Variants in COL24A1 observed in about 807,000 individuals in gnomAD.
COL24A1 encodes the protein collagen alpha-1(XXIV) chain.
A neutral mutation model predicts 253.9 loss-of-function variants in COL24A1; 224 were observed. That is an observed-to-expected ratio of 0.88 (90% CI 0.79 to 0.99). The LOEUF (loss-of-function observed/expected upper bound fraction) is 0.99. Ranked by LOEUF, COL24A1 falls within the 50% of genes least tolerant of loss-of-function variation. The pLI, the probability that COL24A1 is intolerant of heterozygous loss-of-function variation, is 0.00. For synonymous variants in COL24A1, 685 were observed against 673.7 expected (o/e 1.02, Z -0.26); for missense variants, 2,131 against 2,068.5 (o/e 1.03, Z -0.59).
At chr1:85,993,537 A>G (rs12127813) in intron 19 of COL24A1, among the ~76,000 whole-genome samples, 70,777 of 151,702 alleles carry the variant, frequency 0.47, 16,906 homozygotes, top group East Asian at 0.61. Flanking sequence ...GATCAGAAGT[A>G]GCATGGAAAG....
At chr1:85,877,913 C>CT (rs540972806) in intron 32 of COL24A1, among the ~76,000 whole-genome samples, 30 of 150,626 alleles carry the variant, frequency 2.0e-4, no homozygotes, top group Admixed American at 8.6e-4. Flanking sequence ...AATATATGAT[C>CT]TTTTTTTTTA....
At chr1:86,048,031 A>G (rs1219653671) in intron 11 of COL24A1, among the ~76,000 whole-genome samples, 1 of 152,206 alleles carries the variant, frequency 6.6e-6, no homozygotes, top group Non-Finnish European at 1.5e-5. Context: ...AAGAGGACTC[A>G]TTTCATTAAG....
At chr1:85,962,459 T>G (rs933685852) in intron 23 of COL24A1, among the ~76,000 whole-genome samples, 1 of 152,208 alleles carries the variant, frequency 6.6e-6, no homozygotes, top group African/African-American at 2.4e-5. Context: ...AATATTAATA[T>G]ATCTAATTAT....
intron 19 of COL24A1, among the ~76,000 whole-genome samples, chr1:86,016,448 G>A (rs1357528698): frequency 6.6e-6 from 1 of 152,144 alleles, no homozygotes; most frequent in Non-Finnish European, 1.5e-5. Context: ...AATTAAATAT[G>A]TATGTACACT....
chr1:86,003,810 C>T (rs1327357751), intron 19 of COL24A1, among the ~76,000 whole-genome samples: 2 of 151,710 alleles, frequency 1.3e-5, no homozygotes, highest in African/African-American at 4.8e-5. Flanking sequence ...AGATCTGAGA[C>T]AGAGTCACAT....
intron 24 of COL24A1, among the ~76,000 whole-genome samples, chr1:85,957,264 G>A (rs992975684): frequency 2.6e-5 from 4 of 152,030 alleles, no homozygotes; most frequent in African/African-American, 9.7e-5. Flanking sequence ...CCGAGATGAC[G>A]GGTTGATGGG....
At chr1:85,812,361 T>TA (rs2101891000) in intron 47 of COL24A1, among the ~76,000 whole-genome samples, 1 of 152,248 alleles carries the variant, frequency 6.6e-6, no homozygotes, top group African/African-American at 2.4e-5. Flanking sequence ...AGGAAAAACC[T>TA]CAGGCCTGAT....
intron 28 of COL24A1, among the ~76,000 whole-genome samples, chr1:85,903,813 G>C (rs1043671144): frequency 6.6e-6 from 1 of 152,144 alleles, no homozygotes; most frequent in Non-Finnish European, 1.5e-5. Flanking sequence ...ATTAGGCCTA[G>C]CAGTCTTTTC....
intron 19 of COL24A1, among the ~76,000 whole-genome samples, chr1:86,015,658 T>C (rs1696922172): frequency 6.6e-6 from 1 of 152,134 alleles, no homozygotes; most frequent in African/African-American, 2.4e-5. Flanking sequence ...GTATCCTCAG[T>C]ATGACAAGGC....
intron 19 of COL24A1, among the ~76,000 whole-genome samples, chr1:86,004,742 T>TG (rs1297946677): frequency 1.3e-5 from 2 of 152,072 alleles, no homozygotes; most frequent in African/African-American, 4.8e-5. Flanking sequence ...TTACCCAAAG[T>TG]GGGGGGTCTC....
intron 24 of COL24A1, among the ~76,000 whole-genome samples, chr1:85,918,564 G>T (rs1218134454): frequency 6.6e-6 from 1 of 152,148 alleles, no homozygotes; most frequent in African/African-American, 2.4e-5. Context: ...TCAGTGGTAA[G>T]GAATGTGAAC....
intron 55 of COL24A1, among the ~76,000 whole-genome samples, chr1:85,748,223 C>T (rs1264870280): frequency 6.6e-6 from 1 of 152,164 alleles, no homozygotes; most frequent in Non-Finnish European, 1.5e-5. Context: ...TATCTGTGAA[C>T]TACTCATGTC....
chr1:85,765,322 T>C (rs1204199332), intron 53 of COL24A1, among the ~76,000 whole-genome samples: 2 of 147,318 alleles, frequency 1.4e-5, no homozygotes, highest in Non-Finnish European at 3.0e-5. Flanking sequence ...AAGCAGCTAA[T>C]CTGAAAATTC....
At chr1:85,824,052 G>GA (rs922991156) in intron 43 of COL24A1, among the ~76,000 whole-genome samples, 29 of 152,012 alleles carry the variant, frequency 1.9e-4, no homozygotes, top group African/African-American at 7.0e-4. Context: ...ATCTTGTTTG[G>GA]AAAAAGGGTC....
intron 19 of COL24A1, among the ~76,000 whole-genome samples, chr1:86,010,476 T>C (rs636210): frequency 0.18 from 27,720 of 152,088 alleles, 3,212 homozygotes; most frequent in African/African-American, 0.32. Context: ...CAGTGTCACT[T>C]ATAGTGAGAA....
chr1:86,046,901 G>C (rs370334225), intron 11 of COL24A1, 32 bp from the exon 12 acceptor site: 54 of 1,210,250 alleles, frequency 4.5e-5, no homozygotes, highest in Non-Finnish European at 6.5e-5. Flanking sequence ...GGAAATATTT[G>C]TTGAATGAAT....
At chr1:85,779,337 G>C (rs549863727) in intron 52 of COL24A1, among the ~76,000 whole-genome samples, 1 of 152,016 alleles carries the variant, frequency 6.6e-6, no homozygotes, top group Non-Finnish European at 1.5e-5. Context: ...AAATGTAATC[G>C]GAGACTTCTA....
At chr1:86,097,811 A>T (rs915528763) in intron 5 of COL24A1, among the ~76,000 whole-genome samples, 4 of 151,770 alleles carry the variant, frequency 2.6e-5, no homozygotes, top group African/African-American at 4.8e-5. Flanking sequence ...CCACATATAC[A>T]CTGATGACTG....
intron 24 of COL24A1, among the ~76,000 whole-genome samples, chr1:85,918,423 G>A (rs1202697131): frequency 2.6e-5 from 4 of 152,042 alleles, no homozygotes; most frequent in Non-Finnish European, 4.4e-5. Context: ...TTATTTCTAA[G>A]CTTTCTAGTC....
Sources: gnomAD v4.1 joint callset for allele counts (sites outside exome capture counted in the v4.1 genomes callset) on GRCh38, gnomAD v4.1.1 for gene constraint, MANE v1.5 for transcripts, NCBI Gene and HGNC (gene_info 2026-07-23, HGNC 2026-07-21) for gene names.